GRM1: variants seen among roughly 807,000 people sequenced by gnomAD.
The protein encoded by GRM1 is metabotropic glutamate receptor 1.
Under a neutral mutation model 90.9 loss-of-function variants are expected in GRM1, and 33 were observed. That is an observed-to-expected ratio of 0.36 (90% CI 0.28 to 0.49). GRM1 has a LOEUF of 0.49. Among genes scored for constraint, GRM1 ranks in the 20% least tolerant of loss-of-function variants. The probability of loss-of-function intolerance (pLI) is 0.99; values close to 1 mark genes in which losing one functional copy is unlikely to be tolerated. For missense variants in GRM1, 1,190 were observed against 1,534.3 expected (o/e 0.78, Z 3.75); for synonymous variants, 700 against 613.2 (o/e 1.14, Z -2.09).
At chr6:146,382,282 G>GAAACTAGAACA (rs1776344125) in intron 5 of GRM1, among the ~76,000 whole-genome samples, 1 of 138,368 alleles carries the variant, frequency 7.2e-6, no homozygotes, top group Non-Finnish European at 1.6e-5. Context: ...CACTTTGGGG[G>GAAACTAGAACA]AAACTAGAAC....
intron 3 of GRM1, among the ~76,000 whole-genome samples, chr6:146,333,365 C>T (rs1784653075): frequency 6.6e-6 from 1 of 151,668 alleles, no homozygotes. Context: ...CTTTTTTTTT[C>T]CCCCTAGTAT....
chr6:146,260,072 C>G (rs950674205), intron 2 of GRM1, among the ~76,000 whole-genome samples: 3 of 151,534 alleles, frequency 2.0e-5, no homozygotes, highest in Admixed American at 2.0e-4. Context: ...AGGTTTGTTA[C>G]ATAGGTATAC....
intron 1 of GRM1, among the ~76,000 whole-genome samples, chr6:146,137,473 T>C (rs1471152904): frequency 6.6e-6 from 1 of 152,218 alleles, no homozygotes; most frequent in Non-Finnish European, 1.5e-5. Context: ...AAGTTTATTG[T>C]AGATATACAG....
chr6:146,325,196 G>T (rs1372664683), intron 3 of GRM1, among the ~76,000 whole-genome samples: 1 of 152,136 alleles, frequency 6.6e-6, no homozygotes, highest in Non-Finnish European at 1.5e-5. Context: ...CTGTTTAAAG[G>T]TTTTGAGTAG....
At chr6:146,125,072 G>C (rs945329645) in intron 1 of GRM1, among the ~76,000 whole-genome samples, 8 of 152,066 alleles carry the variant, frequency 5.3e-5, no homozygotes, top group Non-Finnish European at 1.2e-4. Flanking sequence ...AAATAGGTTT[G>C]AGATCAAGAA....
intron 7 of GRM1, among the ~76,000 whole-genome samples, chr6:146,425,175 C>A (rs936676297): frequency 2.4e-4 from 36 of 151,854 alleles, no homozygotes; most frequent in African/African-American, 8.5e-4. Flanking sequence ...TGGAATTGTA[C>A]ATATGGATTA....
chr6:146,229,500 C>T (rs1780371941), intron 2 of GRM1, among the ~76,000 whole-genome samples: 1 of 151,696 alleles, frequency 6.6e-6, no homozygotes, highest in Non-Finnish European at 1.5e-5. Context: ...TGCTGCTTAA[C>T]TTCCTCACCA....
At chr6:146,137,296 G>A (rs1776662137) in intron 1 of GRM1, among the ~76,000 whole-genome samples, 1 of 152,124 alleles carries the variant, frequency 6.6e-6, no homozygotes, top group African/African-American at 2.4e-5. Context: ...TTTATAATTT[G>A]AGGTCTTAGA....
chr6:146,097,996 A>G (rs960051932), intron 1 of GRM1, among the ~76,000 whole-genome samples: 4 of 152,114 alleles, frequency 2.6e-5, no homozygotes, highest in Non-Finnish European at 5.9e-5. Context: ...CCTTATTCTT[A>G]TCCCTGTTAC....
intron 7 of GRM1, among the ~76,000 whole-genome samples, chr6:146,407,729 T>C (rs536551979): frequency 6.6e-6 from 1 of 152,252 alleles, no homozygotes; most frequent in East Asian, 1.9e-4. Context: ...CCAAAAATCA[T>C]TGTTTTCTGG....
At chr6:146,165,083 T>C (rs529479377) in intron 2 of GRM1, among the ~76,000 whole-genome samples, 2 of 152,286 alleles carry the variant, frequency 1.3e-5, no homozygotes, top group African/African-American at 4.8e-5. Flanking sequence ...CCCAGCCCTT[T>C]AGCTAAAACT....
intron 2 of GRM1, among the ~76,000 whole-genome samples, chr6:146,163,287 T>C (rs1199138681): frequency 1.3e-5 from 2 of 152,196 alleles, no homozygotes; most frequent in Non-Finnish European, 2.9e-5. Context: ...TCTTCTTGTC[T>C]CTATGAAAGC....
intron 2 of GRM1, among the ~76,000 whole-genome samples, chr6:146,296,691 G>T (rs1783188918): frequency 6.6e-6 from 1 of 152,158 alleles, no homozygotes; most frequent in South Asian, 2.1e-4. Flanking sequence ...TGTTAGATGA[G>T]TTTTTATAAC....
chr6:146,402,334 T>C (rs1020433416), intron 7 of GRM1, among the ~76,000 whole-genome samples: 34 of 152,180 alleles, frequency 2.2e-4, no homozygotes, highest in African/African-American at 7.0e-4. Flanking sequence ...TTTTTCTCAT[T>C]TGTTCTGCTG....
chr6:146,349,079 A>ATTATTATTATTG (rs1785288299), intron 3 of GRM1, among the ~76,000 whole-genome samples: 1 of 142,046 alleles, frequency 7.0e-6, no homozygotes, highest in Admixed American at 7.0e-5. Context: ...TATTATTATT[A>ATTATTATTATTG]TTATTGAGAC....
intron 3 of GRM1, among the ~76,000 whole-genome samples, chr6:146,325,810 C>A (rs945780942): frequency 6.6e-6 from 1 of 152,104 alleles, no homozygotes; most frequent in African/African-American, 2.4e-5. Context: ...ATAATTTTAT[C>A]TTCTGTGAGT....
At chr6:146,081,853 A>G (rs1254512574) in intron 1 of GRM1, among the ~76,000 whole-genome samples, 2 of 152,182 alleles carry the variant, frequency 1.3e-5, no homozygotes, top group Non-Finnish European at 2.9e-5. Context: ...ATAACTATAC[A>G]AAGTTTATAA....
intron 1 of GRM1, among the ~76,000 whole-genome samples, chr6:146,135,858 C>G (rs1184191303): frequency 6.6e-6 from 1 of 152,026 alleles, no homozygotes. Context: ...ACCTTGTTAT[C>G]AAATACTGGA....
At chr6:146,210,284 C>T (rs933273820) in intron 2 of GRM1, among the ~76,000 whole-genome samples, 3 of 152,116 alleles carry the variant, frequency 2.0e-5, no homozygotes, top group African/African-American at 7.2e-5. Context: ...ACTGTATATC[C>T]TCAGAGTTCT....
Sources: gnomAD v4.1 joint callset for allele counts (sites outside exome capture counted in the v4.1 genomes callset) on GRCh38, gnomAD v4.1.1 for gene constraint, MANE v1.5 for transcripts, NCBI Gene and HGNC (gene_info 2026-07-23, HGNC 2026-07-21) for gene names.